Variants in GRIK3 observed in about 807,000 individuals in gnomAD.
GRIK3 encodes glutamate ionotropic receptor kainate type subunit 3.
In GRIK3, 29 loss-of-function variants were observed where a neutral mutation model predicts 102.5. The ratio of observed to expected loss-of-function variants is 0.28; its 90% confidence interval spans 0.21 to 0.39. GRIK3 has a LOEUF of 0.39. GRIK3 is among the 10% of genes least tolerant of loss of function. The pLI, the probability that GRIK3 is intolerant of heterozygous loss-of-function variation, is 1.00. For synonymous variants in GRIK3, 511 were observed against 504.9 expected, an observed-to-expected ratio of 1.01 and a Z score of -0.16; for missense variants, 908 against 1,252.4, an observed-to-expected ratio of 0.73 and a Z score of 4.15.
intron 3 of GRIK3, among the ~76,000 whole-genome samples, chr1:36,879,348 G>A (rs1472592172): frequency 6.6e-6 from 1 of 152,140 alleles, no homozygotes; most frequent in Non-Finnish European, 1.5e-5. Flanking sequence ...TACAAAATTA[G>A]CCAGGTGTGG....
intron 10 of GRIK3, among the ~76,000 whole-genome samples, chr1:36,838,888 A>G (rs1302316988): frequency 6.6e-6 from 1 of 152,130 alleles, no homozygotes; most frequent in East Asian, 1.9e-4. Flanking sequence ...ATTGTAGGGA[A>G]TTGGGCTTAA....
chr1:36,920,411 C>A, intron 1 of GRIK3, among the ~76,000 whole-genome samples: 1 of 152,148 alleles, frequency 6.6e-6, no homozygotes, highest in Admixed American at 6.5e-5. Context: ...CCAGATCCCC[C>A]CTCCCTGCTG....
chr1:36,888,381 G>A (rs1428036325), intron 2 of GRIK3, among the ~76,000 whole-genome samples: 1 of 152,228 alleles, frequency 6.6e-6, no homozygotes, highest in African/African-American at 2.4e-5. Flanking sequence ...CCTTGGGAGA[G>A]GAATGACTGG....
At chr1:36,875,787 A>G (rs530740170) in intron 3 of GRIK3, among the ~76,000 whole-genome samples, 2 of 152,346 alleles carry the variant, frequency 1.3e-5, no homozygotes, top group Admixed American at 6.5e-5. Context: ...ACAAATGCTT[A>G]TTATTTTAAG....
intron 5 of GRIK3, among the ~76,000 whole-genome samples, chr1:36,867,242 C>A (rs1229080645): frequency 6.6e-6 from 1 of 152,206 alleles, no homozygotes; most frequent in Non-Finnish European, 1.5e-5. Context: ...TCTGCCTCTT[C>A]TCACCATCTC....
intron 1 of GRIK3, among the ~76,000 whole-genome samples, chr1:36,904,073 G>T (rs1348801375): frequency 6.6e-6 from 1 of 152,030 alleles, no homozygotes; most frequent in Non-Finnish European, 1.5e-5. Flanking sequence ...GTGGGCAGGG[G>T]GTATATGGGA....
Position 36,819,468 on chromosome 1 carries a change from G to T in GRIK3, c.1873+268C>A, listed in dbSNP as rs1429365270. On this transcript the variant is annotated intron_variant, in intron 12 of 15. Transcript: ENST00000373091. The surrounding 1 kb of genome is among the most constrained non-coding windows in gnomAD (Gnocchi z 4.1). Reference sequence around the variant, plus strand: ...TATGTCCACCTCAGCTGGAGCAGGAGGTGGGGGATGCGTCCCGCATGCCCT... The same window carrying T: ...TATGTCCACCTCAGCTGGAGCAGGATGTGGGGGATGCGTCCCGCATGCCCT... Among the ~76,000 whole-genome samples, 1 of 152,248 alleles carries T rather than the reference G, an allele frequency of 6.6e-6. No individual in the cohort carries two copies. The highest frequency in any genetic ancestry group is 2.4e-5 in the African/African-American group (1 of 41,468).
rs1426972395 is a variant in GRIK3 at position 36,800,563 on chromosome 1, C to G, written c.*1288G>C. 2 of 152,276 alleles carry G rather than the reference C, an allele frequency of 1.3e-5. No individual in the cohort carries two copies. The highest frequency in any genetic ancestry group is 4.8e-5 in the African/African-American group (2 of 41,470). The allele number at this position is 152,276 out of a possible 1,614,324, so 9.4% of individuals were successfully genotyped here. A position where few individuals can be genotyped will look rare whatever the true frequency, so the allele number is the denominator to read the frequency against. ...AAGGGGCCAGGATGGCCTCATGTCT[C>G]TGTGTGGGGTCTTTGGTTAATTCTC... On this transcript the variant is annotated 3_prime_UTR_variant, in exon 16 of 16. Transcript: ENST00000373091.
Position 36,806,147 on chromosome 1 carries a change from C to A in GRIK3, c.2271G>T (p.Gly757=). ...TQRNCNLTQI[G]GLIDSKGYGI... is the part of the protein sequence containing the mutation. ...CGTAGCCCTTGGAGTCAATGAGGCC[C>A]CCGATCTGGGTGAGGTTGCAGTTCC... The change falls in exon 14 of 16, where the codon GGG becomes GGT. Residue 757 remains glycine, a synonymous_variant. Transcript: ENST00000373091. This position sits in a 1 kb window ranked among gnomAD's most constrained non-coding sequence, Gnocchi z 4.0. 1.2e-6 allele frequency: 2 copies of A among 1,614,082 alleles called. No individual in the cohort carries two copies. The highest frequency in any genetic ancestry group is 1.7e-6 in the Non-Finnish European group (2 of 1,179,990).
At chr1:36,890,218 T>C (rs995060684) in intron 2 of GRIK3, among the ~76,000 whole-genome samples, 9 of 152,104 alleles carry the variant, frequency 5.9e-5, no homozygotes, top group African/African-American at 2.4e-5. Context: ...ATCCCAGTAC[T>C]CTGGGAGGCT....
chr1:36,926,352 G>T lies in GRIK3; in HGVS notation c.116-35256C>A, dbSNP rs1013506790. 2.6e-5 allele frequency among the ~76,000 whole-genome samples: 4 copies of T among 151,928 alleles called. No individual in the cohort carries two copies. The South Asian group carries it at 8.3e-4, about 32-fold the overall frequency. The stretch of plus-strand genomic sequence containing the variant: ...TTCATGAACAATGCATGTACTTGAG[G>T]TTCCTCCCTCCTTTCCTCTCCCTTC... On this transcript the variant is annotated intron_variant, in intron 1 of 15. Transcript: ENST00000373091.
intron 1 of GRIK3, among the ~76,000 whole-genome samples, chr1:36,943,786 G>A (rs896751644): frequency 6.6e-6 from 1 of 152,232 alleles, no homozygotes; most frequent in Non-Finnish European, 1.5e-5. Flanking sequence ...GATGAGCAAG[G>A]CACATGTGCT....
In GRIK3 at chr1:36,799,587, C is replaced by T. The variant is rs1642416749; in HGVS notation, c.*2264G>A. The T allele has an allele frequency of 3.3e-5, 5 of 152,196 alleles. No individual in the cohort carries two copies. The South Asian group carries it at 1.0e-3, about 32-fold the overall frequency. 9.4% of individuals were successfully genotyped at this position (152,196 alleles called of 1,614,324 possible). On this transcript the variant is annotated 3_prime_UTR_variant, in exon 16 of 16. Transcript: ENST00000373091. ...TGCAGGTAAGATCCTGATCTCCATCCTATGCCATTCAGTGTACATGTGCAC... is the reference window on the plus strand; with the variant it reads ...TGCAGGTAAGATCCTGATCTCCATCTTATGCCATTCAGTGTACATGTGCAC...
In GRIK3 at chr1:36,956,745, T is replaced by C. The variant is rs543860991; in HGVS notation, c.116-65649A>G. On this transcript the variant is annotated intron_variant, in intron 1 of 15. Coordinates refer to ENST00000373091, the MANE Select transcript of GRIK3 (RefSeq NM_000831.4). Reference sequence around the variant, plus strand: ...GCAGTGGGGAAGTATGAAGCCAGACTGGCCCCGGGCCAACAATTGACTCTG... The same window carrying C: ...GCAGTGGGGAAGTATGAAGCCAGACCGGCCCCGGGCCAACAATTGACTCTG... 1.3e-4 allele frequency among the ~76,000 whole-genome samples: 20 copies of C among 152,376 alleles called. No homozygotes were observed. The South Asian group carries it at 3.9e-3, about 30-fold the overall frequency.
chr1:37,007,908 C>T (rs1405173642), intron 1 of GRIK3, among the ~76,000 whole-genome samples: 4 of 152,178 alleles, frequency 2.6e-5, no homozygotes, highest in Non-Finnish European at 5.9e-5. Context: ...ATGCAGGGAG[C>T]ATCATGAGCC....
At chr1:36,882,509 C>T (rs1640992145) in intron 2 of GRIK3, among the ~76,000 whole-genome samples, 1 of 152,230 alleles carries the variant, frequency 6.6e-6, no homozygotes, top group South Asian at 2.1e-4. Context: ...CTTTTCTCAA[C>T]TGTCTCTAAT....
At chr1:36,920,023 C>T (rs955709482) in intron 1 of GRIK3, among the ~76,000 whole-genome samples, 4 of 152,230 alleles carry the variant, frequency 2.6e-5, no homozygotes, top group African/African-American at 9.6e-5. Context: ...TGTCCCACCC[C>T]AGGCTCAGCT....
intron 13 of GRIK3, among the ~76,000 whole-genome samples, chr1:36,816,480 C>A (rs2124188727): frequency 6.6e-6 from 1 of 152,306 alleles, no homozygotes; most frequent in East Asian, 1.9e-4. Flanking sequence ...GCAGGAGGAG[C>A]AATGAAATCA....
chr1:36,901,925 C>G (rs563019714), intron 1 of GRIK3, among the ~76,000 whole-genome samples: 4 of 152,284 alleles, frequency 2.6e-5, no homozygotes, highest in African/African-American at 9.6e-5. Flanking sequence ...AATTGCTTTT[C>G]TATATACCAG....
Sources: allele counts gnomAD v4.1 joint callset (sites outside exome capture counted in the v4.1 genomes callset), GRCh38; gene constraint gnomAD v4.1.1; non-coding constraint Gnocchi (gnomAD v3.1); transcripts MANE v1.5; gene names NCBI Gene and HGNC (gene_info 2026-07-23, HGNC 2026-07-21).